KIF18B: variants seen among roughly 807,000 people sequenced by gnomAD.
The protein encoded by KIF18B is kinesin family member 18B.
Under a neutral mutation model 80.9 loss-of-function variants are expected in KIF18B, and 49 were observed. That is an observed-to-expected ratio of 0.61 (90% CI 0.48 to 0.77). The LOEUF (loss-of-function observed/expected upper bound fraction) is 0.77, where lower values mean the gene tolerates loss of function less well. Ranked by LOEUF, KIF18B falls within the 30% of genes least tolerant of loss-of-function variation. KIF18B has a pLI of 0.00. For missense variants in KIF18B, 994 were observed against 1,127.7 expected (o/e 0.88, Z 1.70); for synonymous variants, 439 against 463.9 (o/e 0.95, Z 0.69).
intron 15 of KIF18B, 78 bp from the exon 16 acceptor site, chr17:44,926,264 C>T: frequency 1.3e-6 from 2 of 1,593,726 alleles, no homozygotes; most frequent in Non-Finnish European, 1.7e-6. Flanking sequence ...TCCAGCCCAC[C>T]TCCCACCTGT....
At chr17:44,939,366 C>CAAAA (rs781348504) in intron 1 of KIF18B, among the ~76,000 whole-genome samples, 19 of 36,938 alleles carry the variant, frequency 5.1e-4, no homozygotes, top group East Asian at 2.0e-3. Flanking sequence ...GACTCCATCT[C>CAAAA]AAAAAAAAAA....
chr17:44,936,598 C>CTCTATA (rs1183735794), intron 1 of KIF18B, among the ~76,000 whole-genome samples: 47 of 27,836 alleles, frequency 1.7e-3, no homozygotes, highest in South Asian at 2.7e-3. Context: ...CTCTCTCTCT[C>CTCTATA]TATATATATA....
At chr17:44,937,276 T>C (rs1328088553) in intron 1 of KIF18B, among the ~76,000 whole-genome samples, 1 of 152,196 alleles carries the variant, frequency 6.6e-6, no homozygotes, top group Non-Finnish European at 1.5e-5. Context: ...ACAGTTTGAA[T>C]TGTATTACAT....
Position 44,934,127 on chromosome 17 carries a change from G to A in KIF18B, c.886-28C>T, listed in dbSNP as rs1247422519. On this transcript the variant is annotated intron_variant, in intron 6 of 15. Transcript: ENST00000593135. The surrounding 1 kb of genome is among the most constrained non-coding windows in gnomAD (Gnocchi z 5.4). ...GGGGGGCAGTAAGCAGGTGTGGGGT[G>A]AGGCGACTGATGGCACTGACCCAGG... is the stretch of plus-strand genomic sequence containing the variant. 1 of 1,608,642 alleles carries A rather than the reference G, an allele frequency of 6.2e-7. No homozygotes were observed. Among genetic ancestry groups the A allele is most frequent in the Non-Finnish European group, 8.5e-7 (1 of 1,177,524 alleles).
Position 44,932,725 on chromosome 17 carries a change from G to A in KIF18B, c.1186C>T (p.Pro396Ser). ...GATCCTGGGAGGTCCTGTGGTGGGG[G>A]CTGGCCTCCCCCCTCATACACTTGG... Reference protein sequence around the residue: ...KLQVYEGGGQPPPQDLPGSPK... With the variant: ...KLQVYEGGGQSPPQDLPGSPK... Residue 396 changes from proline to serine, a missense_variant, in exon 9 of 16, where the codon CCC becomes TCC. Pro to Ser is a moderately conservative substitution (Grantham distance 74, BLOSUM62 -1). Coordinates refer to ENST00000593135, the MANE Select transcript of KIF18B (RefSeq NM_001265577.2). 1 of 1,613,050 alleles carries A rather than the reference G, an allele frequency of 6.2e-7. No individual in the cohort carries two copies. The highest frequency in any genetic ancestry group is 8.5e-7 in the Non-Finnish European group (1 of 1,179,704).
At chr17:44,942,075 G>C (rs1437987565) in intron 1 of KIF18B, among the ~76,000 whole-genome samples, 4 of 152,140 alleles carry the variant, frequency 2.6e-5, no homozygotes, top group African/African-American at 9.7e-5. Context: ...GCCACACCAG[G>C]TCAATGTCGC....
intron 7 of KIF18B, 26 bp from the exon 8 acceptor site, chr17:44,933,012 T>C (rs2052192900): frequency 6.3e-7 from 1 of 1,590,608 alleles, no homozygotes; most frequent in Admixed American, 1.7e-5. Context: ...GGAGAGAGAT[T>C]TATTTGTTCA....
chr17:44,931,758 AG>A (rs775219016), intron 10 of KIF18B, 29 bp from the exon 11 acceptor site: 241 of 1,612,018 alleles, frequency 1.5e-4, no homozygotes, highest in Non-Finnish European at 2.0e-4. Context: ...GCACAGGTAG[AG>A]GGGCCAGGAT....
chr17:44,932,441 CCTT>C, intron 9 of KIF18B: 1 of 596,912 alleles, frequency 1.7e-6, no homozygotes, highest in Non-Finnish European at 3.0e-6. Context: ...CCTAAGTTCA[CCTT>C]CTCTCGAATA....
At position 44,932,150 on chromosome 17, in the gene KIF18B, A is replaced by C; in HGVS notation, c.1295T>G (p.Leu432Arg). Residue 432 changes from leucine to arginine, a missense_variant, in exon 10 of 16, where the codon CTG becomes CGG. Coordinates refer to ENST00000593135, the MANE Select transcript of KIF18B (RefSeq NM_001265577.2). Reference sequence around the variant, plus strand: ...CCTCTCCACCTGGGCCTCCATCCCCAGACTCTCCTCTTGAAGGGCTCTAGG... The same window carrying C: ...CCTCTCCACCTGGGCCTCCATCCCCCGACTCTCCTCTTGAAGGGCTCTAGG... ...AGPRALQEES[L>R]GMEAQVERAM... is the part of the protein sequence containing the mutation. The C allele has an allele frequency of 1.9e-6, 3 of 1,613,658 alleles. No homozygotes were observed. The highest frequency in any genetic ancestry group is 2.5e-6 in the Non-Finnish European group (3 of 1,179,780).
At chr17:44,940,070 T>G (rs2052387534) in intron 1 of KIF18B, among the ~76,000 whole-genome samples, 1 of 152,254 alleles carries the variant, frequency 6.6e-6, no homozygotes, top group Non-Finnish European at 1.5e-5. Context: ...CGTGAGCCAC[T>G]GCGCCCACCC....
At chr17:44,937,697 A>G (rs1229639812) in intron 1 of KIF18B, among the ~76,000 whole-genome samples, 1 of 152,190 alleles carries the variant, frequency 6.6e-6, no homozygotes, top group Non-Finnish European at 1.5e-5. Context: ...AGAAGAGGAA[A>G]AAATTTTTAC....
rs757475018 is a variant in KIF18B, at chr17:44,924,808, A to C, written c.*1272T>G. ...TCAGAAGGCTATAAACCCAAGTATC[A>C]TTAGCATTTATATCTAGGTGCAGCA... On this transcript the variant is annotated 3_prime_UTR_variant, in exon 16 of 16. Coordinates refer to ENST00000593135, the MANE Select transcript of KIF18B (RefSeq NM_001265577.2). 4 of 152,166 alleles carry C rather than the reference A, an allele frequency of 2.6e-5. No individual in the cohort carries two copies. Among genetic ancestry groups the C allele is most frequent in the Non-Finnish European group, 5.9e-5 (4 of 68,040 alleles). 9.4% of individuals were successfully genotyped at this position (152,166 alleles called of 1,614,324 possible).
rs1294868289 is a variant in KIF18B at position 44,929,011 on chromosome 17, C to T, written c.1531G>A (p.Val511Met). 6.2e-7 allele frequency: 1 copy of T among 1,613,964 alleles called. No individual in the cohort carries two copies. Reference sequence around the variant, plus strand: ...TACTGCCGCTGGGCAACGCACAGCACCTTTAGGGCCAACCTGGAACAGAAG... The same window carrying T: ...TACTGCCGCTGGGCAACGCACAGCATCTTTAGGGCCAACCTGGAACAGAAG... The part of the protein sequence containing the change: ...GDRSKQLALK[V>M]LCVAQRQYSL... The change falls in exon 12 of 16, where the codon GTG (valine) becomes ATG (methionine). Residue 511 changes from valine to methionine, a missense_variant. Val to Met is a conservative substitution (Grantham distance 21). Transcript: ENST00000593135.
chr17:44,926,187 C>T lies in KIF18B; in HGVS notation c.2453-1G>A. 1 of 1,613,868 alleles carries T rather than the reference C, an allele frequency of 6.2e-7. No individual in the cohort carries two copies. Among genetic ancestry groups the T allele is most frequent in the Non-Finnish European group, 8.5e-7 (1 of 1,179,864 alleles). On this transcript the variant is annotated splice_acceptor_variant, in intron 15 of 15. Transcript: ENST00000593135. LOFTEE classifies it high-confidence loss of function. The stretch of plus-strand genomic sequence containing the variant: ...GGGCACAGGGGACTCAAGGGCAGCT[C>T]TGCAGGCCAGTTGGATGGGTGGCGG...
chr17:44,935,306 C>T lies in KIF18B; in HGVS notation c.424G>A (p.Ala142Thr), dbSNP rs374152505. The change falls in exon 3 of 16, where the codon GCC (alanine) becomes ACC (threonine). Residue 142 changes from alanine to threonine, a missense_variant. Coordinates refer to ENST00000593135, the MANE Select transcript of KIF18B (RefSeq NM_001265577.2). ...TCGAAGTGCTTCTCCTGCTGGCGGG[C>T]CTCCAGGCGCCTGTACAGTTCCACG... ...TTVELYRRLE[A>T]RQQEKHFEVL... 6.2e-7 allele frequency: 1 copy of T among 1,611,930 alleles called. No individual in the cohort carries two copies. The highest frequency in any genetic ancestry group is 1.7e-5 in the Admixed American group (1 of 59,856).
intron 3 of KIF18B, 78 bp from the exon 4 acceptor site, chr17:44,935,013 G>T: frequency 9.2e-7 from 1 of 1,084,532 alleles, no homozygotes. Context: ...GGACAGGGGA[G>T]CTGAGGCCGG....
chr17:44,934,032 C>A lies in KIF18B; in HGVS notation c.953G>T (p.Gly318Val). The A allele has an allele frequency of 6.2e-7, 1 of 1,611,952 alleles. No individual in the cohort carries two copies. The highest frequency in any genetic ancestry group is 8.5e-7 in the Non-Finnish European group (1 of 1,179,236). Residue 318 changes from glycine (G) to valine (V), a missense_variant, in exon 7 of 16, where the codon GGC becomes GTC. Transcript: ENST00000593135. This position sits in a 1 kb window ranked among gnomAD's most constrained non-coding sequence, Gnocchi z 5.4. The part of the protein sequence containing the change: ...LTRLLKDSLG[G>V]NCRTVMIAAI... ...AGCGATCATCACTGTGCGGCAGTTG[C>A]CCCCGAGGGAGTCTTTGAGCAGGCG...
At chr17:44,940,633 T>A (rs563710754) in intron 1 of KIF18B, among the ~76,000 whole-genome samples, 1 of 152,292 alleles carries the variant, frequency 6.6e-6, no homozygotes, top group South Asian at 2.1e-4. Context: ...TCTGGGGATA[T>A]ATTGACAGGG....
Sources: gnomAD v4.1 joint callset for allele counts (sites outside exome capture counted in the v4.1 genomes callset) on GRCh38, gnomAD v4.1.1 for gene constraint, Gnocchi (gnomAD v3.1) non-coding constraint, MANE v1.5 for transcripts, NCBI Gene and HGNC (gene_info 2026-07-23, HGNC 2026-07-21) for gene names.